RIN2: variants seen among roughly 807,000 people sequenced by gnomAD.
RIN2 encodes the protein RAB5 interacting protein 2.
RIN2 carries 36 observed loss-of-function variants against 78.0 expected under a neutral mutation model. The observed-to-expected ratio is 0.46, with a 90% CI of 0.35 to 0.61. RIN2 has a LOEUF of 0.61. Ranked by LOEUF, RIN2 falls within the 20% of genes least tolerant of loss-of-function variation. The probability of loss-of-function intolerance (pLI) is 0.00; values close to 1 mark genes in which losing one functional copy is unlikely to be tolerated. For synonymous variants in RIN2, 466 were observed against 466.8 expected (o/e 1.00, Z 0.02); for missense variants, 1,087 against 1,159.7 (o/e 0.94, Z 0.91).
chr20:19,832,317 A>G (rs2036273244), intron 2 of RIN2, among the ~76,000 whole-genome samples: 1 of 143,428 alleles, frequency 7.0e-6, no homozygotes. Flanking sequence ...TGCTGTCCCC[A>G]ACCTTCCTTC....
chr20:19,942,409 G>A (rs2040915729), intron 4 of RIN2, among the ~76,000 whole-genome samples: 1 of 152,150 alleles, frequency 6.6e-6, no homozygotes, highest in South Asian at 2.1e-4. Context: ...TATCTTGACT[G>A]GTGATATCTG....
intron 2 of RIN2, among the ~76,000 whole-genome samples, chr20:19,886,932 G>T (rs933538953): frequency 6.6e-6 from 1 of 152,046 alleles, no homozygotes; most frequent in Non-Finnish European, 1.5e-5. Flanking sequence ...TTGAGTCAAG[G>T]TGTCTAAGGT....
intron 1 of RIN2, among the ~76,000 whole-genome samples, chr20:19,792,378 T>TAATTTC (rs2034915825): frequency 1.3e-5 from 2 of 152,194 alleles, no homozygotes; most frequent in African/African-American, 4.8e-5. Flanking sequence ...TAGTGTCATT[T>TAATTTC]CTCGTGAACA....
chr20:19,865,873 C>T (rs1395616289), intron 2 of RIN2, among the ~76,000 whole-genome samples: 1 of 152,058 alleles, frequency 6.6e-6, no homozygotes, highest in Non-Finnish European at 1.5e-5. Context: ...CATTTGCATA[C>T]ATATAATAGA....
chr20:19,893,938 G>C (rs574640370), intron 3 of RIN2, among the ~76,000 whole-genome samples: 21 of 152,262 alleles, frequency 1.4e-4, no homozygotes, highest in African/African-American at 5.1e-4. Context: ...CAGGTGTGAT[G>C]ATGGGCGCCT....
At chr20:19,944,654 A>G (rs574941999) in intron 4 of RIN2, among the ~76,000 whole-genome samples, 1 of 152,102 alleles carries the variant, frequency 6.6e-6, no homozygotes. Context: ...CATGATATAC[A>G]TGGAAATTTT....
intron 9 of RIN2, among the ~76,000 whole-genome samples, chr20:19,980,875 C>T (rs764725745): frequency 6.6e-6 from 1 of 152,192 alleles, no homozygotes; most frequent in Non-Finnish European, 1.5e-5. Flanking sequence ...AGCCCCCACT[C>T]TCTTCTCGCA....
At chr20:19,973,313 G>A (rs139269788) in intron 8 of RIN2, among the ~76,000 whole-genome samples, 2 of 152,252 alleles carry the variant, frequency 1.3e-5, no homozygotes, top group East Asian at 3.9e-4. Context: ...TGGACAGTGC[G>A]GGAGTCGGGA....
intron 2 of RIN2, among the ~76,000 whole-genome samples, chr20:19,884,023 A>G (rs958212366): frequency 4.0e-5 from 6 of 150,482 alleles, no homozygotes; most frequent in African/African-American, 1.5e-4. Flanking sequence ...CTGGTCTCAA[A>G]CTCCTGGCCT....
intron 2 of RIN2, among the ~76,000 whole-genome samples, chr20:19,814,368 C>T (rs112493655): frequency 0.019 from 2,920 of 152,112 alleles, 88 homozygotes; most frequent in African/African-American, 0.065. Context: ...CTTGCCCTTT[C>T]CCCTCCTCCC....
chr20:19,869,604 T>TTTAAGC (rs1461569754), intron 2 of RIN2, among the ~76,000 whole-genome samples: 2 of 150,956 alleles, frequency 1.3e-5, no homozygotes, highest in African/African-American at 4.9e-5. Flanking sequence ...CTTAGAGATT[T>TTTAAGC]TTAAGCTTTT....
At chr20:19,776,211 C>G (rs2034304444) in intron 1 of RIN2, among the ~76,000 whole-genome samples, 1 of 152,208 alleles carries the variant, frequency 6.6e-6, no homozygotes, top group Non-Finnish European at 1.5e-5. Context: ...TTATACCCTC[C>G]TCCCTTTGGG....
intron 3 of RIN2, among the ~76,000 whole-genome samples, chr20:19,910,070 A>G (rs1214396862): frequency 1.3e-5 from 2 of 152,274 alleles, no homozygotes; most frequent in Admixed American, 6.5e-5. Context: ...AAGAATGTGC[A>G]AAGTGAGCTC....
At chr20:19,962,301 AC>A in intron 6 of RIN2, among the ~76,000 whole-genome samples, 1 of 151,452 alleles carries the variant, frequency 6.6e-6, no homozygotes, top group Admixed American at 6.6e-5. Flanking sequence ...TGAAAAAACA[AC>A]CCAAAAATAT....
intron 2 of RIN2, among the ~76,000 whole-genome samples, chr20:19,811,117 G>A (rs1243014591): frequency 6.6e-6 from 1 of 152,034 alleles, no homozygotes; most frequent in Non-Finnish European, 1.5e-5. Context: ...TCGCTTCTTG[G>A]TGGTGGTTTA....
intron 3 of RIN2, among the ~76,000 whole-genome samples, chr20:19,893,842 G>T (rs1174889481): frequency 6.6e-6 from 1 of 152,188 alleles, no homozygotes; most frequent in Non-Finnish European, 1.5e-5. Context: ...GGAGGGCAAG[G>T]TGGGCAGATC....
chr20:19,822,283 C>T (rs74981498), intron 2 of RIN2, among the ~76,000 whole-genome samples: 5,410 of 152,212 alleles, frequency 0.036, 208 homozygotes, highest in African/African-American at 0.098. Flanking sequence ...ATGAGAGTGG[C>T]AGCACTCTTT....
At position 19,948,965 on chromosome 20, in the gene RIN2, G is replaced by A. The variant is rs183264882; in HGVS notation, c.159-7650G>A. Among the ~76,000 whole-genome samples the A allele has an allele frequency of 1.4e-3, 212 of 150,298 alleles. 2 individuals are homozygous for A. The highest frequency in any genetic ancestry group is 5.0e-3 in the African/African-American group (204 of 40,560). ...TTATAGGTACAGGCCACTGCACCAG[G>A]CCGTAATTTTACTTTAAAAAAAAAA... On this transcript the variant is annotated intron_variant, in intron 4 of 12. Transcript: ENST00000255006.
rs115351517 is a variant in RIN2 at position 19,990,351 on chromosome 20, T to C, written c.2068+40T>C. The stretch of plus-strand genomic sequence containing the variant: ...AGCCCAGGCTTCGTGCCGCTTCCCT[T>C]CCGGGCCGGGGACAGGCCTCTCTCC... On this transcript the variant is annotated intron_variant, in intron 10 of 12. Transcript: ENST00000255006. 985 of 1,568,358 alleles carry C rather than the reference T, an allele frequency of 6.3e-4. 6 individuals are homozygous for C. The African/African-American group carries it at 0.012, about 19-fold the overall frequency.
Sources: gnomAD v4.1 joint callset for allele counts (sites outside exome capture counted in the v4.1 genomes callset) on GRCh38, gnomAD v4.1.1 for gene constraint, MANE v1.5 for transcripts, NCBI Gene and HGNC (gene_info 2026-07-23, HGNC 2026-07-21) for gene names.